CALCOCO2: variants seen among roughly 807,000 people sequenced by gnomAD.
CALCOCO2 encodes calcium binding and coiled-coil domain 2.
Under a neutral mutation model 62.5 loss-of-function variants are expected in CALCOCO2, and 42 were observed. The ratio of observed to expected loss-of-function variants is 0.67; its 90% CI spans 0.53 to 0.87. CALCOCO2 has a LOEUF of 0.87. Among genes scored for constraint, CALCOCO2 ranks in the 40% least tolerant of loss-of-function variants. CALCOCO2 has a pLI of 0.00. For missense variants in CALCOCO2, 456 were observed against 515.0 expected, an observed-to-expected ratio of 0.89 and a Z score of 1.11; for synonymous variants, 167 against 173.0, an observed-to-expected ratio of 0.97 and a Z score of 0.27.
intron 2 of CALCOCO2, among the ~76,000 whole-genome samples, chr17:48,843,122 A>G (rs980487633): frequency 6.6e-6 from 1 of 152,196 alleles, no homozygotes; most frequent in Non-Finnish European, 1.5e-5. Context: ...TGACTACTTT[A>G]TAATGATTTC....
At chr17:48,852,880 T>G in intron 8 of CALCOCO2, 46 bp from the exon 9 acceptor site, 1 of 1,372,204 alleles carries the variant, frequency 7.3e-7, no homozygotes, top group Non-Finnish European at 1.0e-6. Flanking sequence ...TGTGTGTGCA[T>G]GTGTGTGTTT....
chr17:48,840,653 T>G (rs1464383738), intron 1 of CALCOCO2, among the ~76,000 whole-genome samples: 1 of 152,242 alleles, frequency 6.6e-6, no homozygotes, highest in East Asian at 1.9e-4. Context: ...CTTTGAGGGC[T>G]AATCTAAGAT....
In CALCOCO2 at chr17:48,852,946, C is replaced by T. The variant is rs780882076; in HGVS notation, c.846C>T (p.Leu282=). 2.5e-6 allele frequency: 4 copies of T among 1,613,362 alleles called. No individual in the cohort carries two copies. The South Asian group carries it at 3.3e-5, about 13-fold the overall frequency. The change falls in exon 9 of 13, where the codon CTC becomes CTT. Residue 282 remains leucine (L), a synonymous_variant. Coordinates refer to ENST00000258947, the MANE Select transcript of CALCOCO2 (RefSeq NM_005831.5). ...LTEQRKDQKK[L]EQTVEQMKQN... ...TGCAGAGGAAGGACCAGAAGAAGCT[C>T]GAGCAGACAGTGGAGCAAATGAAGC...
intron 10 of CALCOCO2, among the ~76,000 whole-genome samples, chr17:48,857,972 A>ATGAATTGAAT (rs1378115998): frequency 1.5e-4 from 11 of 71,050 alleles, no homozygotes; most frequent in South Asian, 1.1e-3. Flanking sequence ...GCAAGACTAC[A>ATGAATTGAAT]TCAATAGAAT....
At chr17:48,859,076 A>G (rs895960521) in intron 10 of CALCOCO2, among the ~76,000 whole-genome samples, 11 of 145,796 alleles carry the variant, frequency 7.5e-5, no homozygotes, top group Admixed American at 5.5e-4. Flanking sequence ...AAAAAAAAGA[A>G]CTGTAGTAAA....
intron 1 of CALCOCO2, among the ~76,000 whole-genome samples, chr17:48,837,358 T>C (rs1411078262): frequency 6.6e-6 from 1 of 152,056 alleles, no homozygotes; most frequent in Non-Finnish European, 1.5e-5. Context: ...TGAAAAACTC[T>C]TTTGAGCCGG....
At chr17:48,859,338 C>G (rs2040292574) in intron 10 of CALCOCO2, among the ~76,000 whole-genome samples, 1 of 151,992 alleles carries the variant, frequency 6.6e-6, no homozygotes, top group Non-Finnish European at 1.5e-5. Flanking sequence ...ATATTCTGCT[C>G]TCAATAATAT....
intron 2 of CALCOCO2, among the ~76,000 whole-genome samples, chr17:48,847,225 G>A (rs1260646950): frequency 6.6e-6 from 1 of 151,896 alleles, no homozygotes; most frequent in Admixed American, 6.6e-5. Context: ...CAGACATTAT[G>A]AAAAATAATG....
At chr17:48,857,272 A>C (rs1402902507) in intron 10 of CALCOCO2, among the ~76,000 whole-genome samples, 1 of 143,424 alleles carries the variant, frequency 7.0e-6, no homozygotes, top group East Asian at 2.0e-4. Context: ...ATCTCAGCTC[A>C]CCGCAACCTC....
At position 48,845,153 on chromosome 17, in the gene CALCOCO2, T is replaced by A. The variant is rs111609283; in HGVS notation, c.181-2911T>A. ...TCCATCTCAAAAAAAAAATTTTTTT[T>A]AAAGATGTATCTATATTTGGAATGC... is the stretch of plus-strand genomic sequence containing the variant. On this transcript the variant is annotated intron_variant, in intron 2 of 12. Coordinates refer to ENST00000258947, the MANE Select transcript of CALCOCO2 (RefSeq NM_005831.5). Among the ~76,000 whole-genome samples the A allele has an allele frequency of 2.5e-3, 381 of 151,926 alleles. 1 individual carries two copies. The highest frequency in any genetic ancestry group is 8.6e-3 in the African/African-American group (356 of 41,460).
At position 48,856,299 on chromosome 17, in the gene CALCOCO2, G is replaced by A. The variant is rs1598042813; in HGVS notation, c.1008+112G>A. 88 of 600,164 alleles carry A rather than the reference G, an allele frequency of 1.5e-4. No homozygotes were observed. In the East Asian group the frequency reaches 2.4e-3, roughly 16 times the overall value. The allele number at this position is 600,164 out of a possible 1,614,324, so 37.2% of individuals were successfully genotyped here. ...GTTAAGGGCCCTTTCTGGGACAGTG[G>A]GTGAAACAGTTGTTCCTAAACGAAG... is the stretch of plus-strand genomic sequence containing the variant. On this transcript the variant is annotated intron_variant, in intron 10 of 12. Transcript: ENST00000258947.
chr17:48,851,174 T>G lies in CALCOCO2; in HGVS notation c.629T>G (p.Leu210Arg). Residue 210 changes from leucine (L) to arginine (R), a missense_variant, in exon 6 of 13, where the codon CTT becomes CGT. Physicochemically the swap from Leu to Arg is moderately radical, Grantham distance 102. Coordinates refer to ENST00000258947, the MANE Select transcript of CALCOCO2 (RefSeq NM_005831.5). ...EQKDYWETEL[L>R]QLKEQNQKMS... ...AAGGACTATTGGGAGACAGAGCTGC[T>G]TCAGTGAGTGCATCCCATAATTCTG... The G allele has an allele frequency of 1.3e-6, 2 of 1,577,690 alleles. No homozygotes were observed. The highest frequency in any genetic ancestry group is 1.7e-6 in the Non-Finnish European group (2 of 1,146,982).
At chr17:48,845,164 C>T (rs934697258) in intron 2 of CALCOCO2, among the ~76,000 whole-genome samples, 17 of 151,764 alleles carry the variant, frequency 1.1e-4, no homozygotes, top group Admixed American at 9.9e-4. Context: ...AAAGATGTAT[C>T]TATATTTGGA....
At chr17:48,860,805 G>A (rs906151755) in intron 11 of CALCOCO2, among the ~76,000 whole-genome samples, 1 of 152,212 alleles carries the variant, frequency 6.6e-6, no homozygotes, top group East Asian at 1.9e-4. Context: ...AAGTTATGCC[G>A]CCCAGGAACT....
intron 9 of CALCOCO2, chr17:48,853,267 T>C: frequency 2.5e-6 from 1 of 405,704 alleles, no homozygotes. Flanking sequence ...ACTAGATCCT[T>C]GGACTAGGGC....
chr17:48,841,417 A>G (rs2039973013), intron 1 of CALCOCO2: 1 of 243,236 alleles, frequency 4.1e-6, no homozygotes, highest in Non-Finnish European at 7.9e-6. Flanking sequence ...CATTTAGAGA[A>G]AGGGGAACTA....
intron 2 of CALCOCO2, among the ~76,000 whole-genome samples, chr17:48,847,237 GT>G (rs549736608): frequency 4.6e-5 from 7 of 151,116 alleles, no homozygotes; most frequent in East Asian, 3.9e-4. Flanking sequence ...AAAATAATGG[GT>G]TTTTTTTTAA....
At chr17:48,848,578 G>A (rs1303648401) in intron 4 of CALCOCO2, 123 bp downstream of exon 4, 12 of 860,974 alleles carry the variant, frequency 1.4e-5, no homozygotes, top group Non-Finnish European at 2.1e-5. Context: ...AAAAATGTAT[G>A]TAGTACTCAC....
intron 2 of CALCOCO2, among the ~76,000 whole-genome samples, chr17:48,844,368 T>C (rs2040017942): frequency 6.6e-6 from 1 of 152,112 alleles, no homozygotes; most frequent in African/African-American, 2.4e-5. Flanking sequence ...CATCGTTATA[T>C]TTCTATTTTG....
Sources: gnomAD v4.1 joint callset for allele counts (sites outside exome capture counted in the v4.1 genomes callset) on GRCh38, gnomAD v4.1.1 for gene constraint, MANE v1.5 for transcripts, NCBI Gene and HGNC (gene_info 2026-07-23, HGNC 2026-07-21) for gene names.